Variants in CSMD1 observed in about 807,000 individuals in gnomAD.
CSMD1 encodes CUB and Sushi multiple domains 1, also known as CUB and sushi domain-containing protein 1.
In CSMD1, 213 loss-of-function variants were observed where a neutral mutation model predicts 417.5. The observed-to-expected ratio is 0.51, with a 90% CI of 0.46 to 0.57. CSMD1 has a LOEUF of 0.57. Ranked by LOEUF, CSMD1 falls within the 20% of genes least tolerant of loss-of-function variation. The pLI, the probability that CSMD1 is intolerant of heterozygous loss-of-function variation, is 0.00. For synonymous variants in CSMD1, 2,862 were observed against 1,736.8 expected (o/e 1.65, Z -16.11); for missense variants, 6,923 against 4,529.7 (o/e 1.53, Z -15.17).
chr8:3,327,512 T>C (rs1196783624), intron 23 of CSMD1, among the ~76,000 whole-genome samples: 1 of 152,228 alleles, frequency 6.6e-6, no homozygotes, highest in Non-Finnish European at 1.5e-5. Flanking sequence ...ATCTTTTTAT[T>C]AACATAATAT....
intron 10 of CSMD1, among the ~76,000 whole-genome samples, chr8:3,538,907 A>G (rs1798319446): frequency 6.6e-6 from 1 of 152,166 alleles, no homozygotes; most frequent in African/African-American, 2.4e-5. Flanking sequence ...CCTACACACC[A>G]TGCTGCACAC....
chr8:3,490,104 G>A (rs1193307844), intron 11 of CSMD1, among the ~76,000 whole-genome samples: 1 of 152,182 alleles, frequency 6.6e-6, no homozygotes, highest in African/African-American at 2.4e-5. Flanking sequence ...GAGACTAGCT[G>A]TGATTCTCTG....
At chr8:4,080,022 T>TATC (rs1343182308) in intron 3 of CSMD1, among the ~76,000 whole-genome samples, 1 of 150,806 alleles carries the variant, frequency 6.6e-6, no homozygotes, top group African/African-American at 2.4e-5. Flanking sequence ...TTTTTCTAGA[T>TATC]ATCAAAAGGG....
chr8:4,979,074 G>T (rs1382683999), intron 1 of CSMD1, among the ~76,000 whole-genome samples: 1 of 152,100 alleles, frequency 6.6e-6, no homozygotes, highest in African/African-American at 2.4e-5. Context: ...CAAATTTCCA[G>T]GCCTTCCTGG....
chr8:3,852,680 G>C (rs1166328746), intron 5 of CSMD1, among the ~76,000 whole-genome samples: 1 of 152,030 alleles, frequency 6.6e-6, no homozygotes, highest in Non-Finnish European at 1.5e-5. Flanking sequence ...ATGGTGATGG[G>C]GGTGGGGAGG....
At chr8:4,284,680 G>C (rs771983100) in intron 3 of CSMD1, among the ~76,000 whole-genome samples, 12 of 152,066 alleles carry the variant, frequency 7.9e-5, no homozygotes, top group Non-Finnish European at 1.5e-4. Context: ...CAACACTCTT[G>C]ACAGATATAA....
intron 57 of CSMD1, 54 bp from the exon 58 acceptor site, chr8:2,966,800 T>A: frequency 6.4e-7 from 1 of 1,565,570 alleles, no homozygotes; most frequent in South Asian, 1.2e-5. Flanking sequence ...AGCATGAAAA[T>A]GGCAAACACA....
rs534584795 is a variant in CSMD1 at position 4,224,332 on chromosome 8, T to G, written c.416-192233A>C. On this transcript the variant is annotated intron_variant, in intron 3 of 69. Transcript: ENST00000635120. ...TATTTTAACCAGTCCAAGAGCACAT[T>G]TTGGCAGCCTTAGGTACATGTACGA... is the stretch of plus-strand genomic sequence containing the variant. Among the ~76,000 whole-genome samples, 240 of 152,276 alleles carry G rather than the reference T, an allele frequency of 1.6e-3. 1 individual carries two copies. The highest frequency in any genetic ancestry group is 5.4e-3 in the African/African-American group (224 of 41,570).
chr8:3,896,337 CT>C (rs1807363096), intron 5 of CSMD1, among the ~76,000 whole-genome samples: 1 of 152,168 alleles, frequency 6.6e-6, no homozygotes, highest in South Asian at 2.1e-4. Context: ...CATATACTCA[CT>C]TTGCTGAATT....
chr8:4,154,586 C>G (rs908392549), intron 3 of CSMD1, among the ~76,000 whole-genome samples: 1 of 152,066 alleles, frequency 6.6e-6, no homozygotes, highest in Non-Finnish European at 1.5e-5. Context: ...GAGGTGAGGT[C>G]TTTGGCAATA....
intron 5 of CSMD1, among the ~76,000 whole-genome samples, chr8:3,908,469 G>A (rs929448362): frequency 6.6e-6 from 1 of 151,894 alleles, no homozygotes; most frequent in African/African-American, 2.4e-5. Context: ...ACATTCCCTG[G>A]GCCTTTACAC....
chr8:4,273,988 G>C (rs1332658226), intron 3 of CSMD1, among the ~76,000 whole-genome samples: 1 of 152,138 alleles, frequency 6.6e-6, no homozygotes, highest in South Asian at 2.1e-4. Flanking sequence ...ATTGCTATCA[G>C]TGATAACCGC....
At chr8:3,835,965 G>A (rs1585066855) in intron 5 of CSMD1, among the ~76,000 whole-genome samples, 1 of 152,162 alleles carries the variant, frequency 6.6e-6, no homozygotes, top group South Asian at 2.1e-4. Context: ...TTTGGATTAA[G>A]ACCTTGACTC....
Position 4,811,085 on chromosome 8 carries a change from G to C in CSMD1, c.86-173527C>G, listed in dbSNP as rs983106336. Reference sequence around the variant, plus strand: ...AAGTAATTCGACCCTGTTAGAGAAAGGTATTCTGTAAGTGGAAAGCATTTT... The same window carrying C: ...AAGTAATTCGACCCTGTTAGAGAAACGTATTCTGTAAGTGGAAAGCATTTT... On this transcript the variant is annotated intron_variant, in intron 1 of 69. Coordinates refer to ENST00000635120, the MANE Select transcript of CSMD1 (RefSeq NM_033225.6). Among the ~76,000 whole-genome samples the C allele has an allele frequency of 2.0e-5, 3 of 152,148 alleles. 1 individual carries two copies. The highest frequency in any genetic ancestry group is 2.9e-5 in the Non-Finnish European group (2 of 68,010).
At chr8:3,626,177 G>A (rs1202307755) in intron 7 of CSMD1, among the ~76,000 whole-genome samples, 1 of 152,198 alleles carries the variant, frequency 6.6e-6, no homozygotes, top group Non-Finnish European at 1.5e-5. Flanking sequence ...TATGCCTCCG[G>A]CTGGCTCCCG....
At chr8:3,008,649 T>A (rs1808147996) in intron 52 of CSMD1, among the ~76,000 whole-genome samples, 1 of 152,146 alleles carries the variant, frequency 6.6e-6, no homozygotes, top group African/African-American at 2.4e-5. Context: ...TGACCTATGT[T>A]TTCTGGAAAG....
chr8:4,806,704 G>C (rs898293947), intron 1 of CSMD1, among the ~76,000 whole-genome samples: 4 of 152,216 alleles, frequency 2.6e-5, no homozygotes, highest in Admixed American at 6.5e-5. Context: ...GTTTCATGTA[G>C]AGTATGCTTT....
chr8:3,531,154 C>G (rs1797963964), intron 10 of CSMD1, among the ~76,000 whole-genome samples: 1 of 152,102 alleles, frequency 6.6e-6, no homozygotes, highest in South Asian at 2.1e-4. Flanking sequence ...AGCCACCACA[C>G]CTGGCCCATA....
At chr8:4,150,715 A>C (rs1796524061) in intron 3 of CSMD1, among the ~76,000 whole-genome samples, 1 of 152,210 alleles carries the variant, frequency 6.6e-6, no homozygotes, top group South Asian at 2.1e-4. Context: ...TGTGGAAAGC[A>C]GATTCAGAAT....
Sources: gnomAD v4.1 joint callset for allele counts (sites outside exome capture counted in the v4.1 genomes callset) on GRCh38, gnomAD v4.1.1 for gene constraint, MANE v1.5 for transcripts, NCBI Gene and HGNC (gene_info 2026-07-23, HGNC 2026-07-21) for gene names.